The following TNR variants were observed in gnomAD, a reference collection of about 807,000 sequenced individuals.
TNR encodes the protein tenascin R.
In TNR, 45 loss-of-function variants were observed where a neutral mutation model predicts 150.4. The ratio of observed to expected loss-of-function variants is 0.30; its 90% CI spans 0.24 to 0.38. TNR has a LOEUF of 0.38. TNR is among the 10% of genes least tolerant of loss of function. The pLI is 1.00. For missense variants in TNR, 1,544 were observed against 1,759.1 expected (o/e 0.88, Z 2.19); for synonymous variants, 687 against 678.4 (o/e 1.01, Z -0.20).
intron 1 of TNR, among the ~76,000 whole-genome samples, chr1:175,657,678 C>A (rs902084559): frequency 6.9e-6 from 1 of 145,720 alleles, no homozygotes; most frequent in African/African-American, 2.6e-5. Context: ...GGACAAAAAA[C>A]CAAACACCGC....
At position 175,718,759 on chromosome 1, in the gene TNR, G is replaced by C. The variant is rs1299082694; in HGVS notation, c.-165+24467C>G. On this transcript the variant is annotated intron_variant, in intron 1 of 22. Coordinates refer to ENST00000367674, the MANE Select transcript of TNR (RefSeq NM_003285.3). ...ACATGGCCATATCATGTAAACAGAA[G>C]CCCGGGGGATTATATGACTTGTCTA... Among the ~76,000 whole-genome samples the C allele has an allele frequency of 2.0e-5, 3 of 152,296 alleles. No homozygotes were observed. The East Asian group carries it at 5.8e-4, about 29-fold the overall frequency.
chr1:175,650,582 C>G (rs1456761334), intron 1 of TNR, among the ~76,000 whole-genome samples: 1 of 151,300 alleles, frequency 6.6e-6, no homozygotes, highest in Non-Finnish European at 1.5e-5. Flanking sequence ...TACTCTTGCC[C>G]CCACAAGATT....
chr1:175,721,631 T>C (rs903144262), intron 1 of TNR, among the ~76,000 whole-genome samples: 2 of 152,150 alleles, frequency 1.3e-5, no homozygotes, highest in Admixed American at 6.5e-5. Flanking sequence ...TTCACCTTTT[T>C]CTCTTACTCA....
intron 14 of TNR, among the ~76,000 whole-genome samples, chr1:175,361,766 G>A (rs942123481): frequency 1.2e-4 from 19 of 152,204 alleles, no homozygotes; most frequent in African/African-American, 4.6e-4. Flanking sequence ...GCTTAACTAG[G>A]AGGTTTGGTC....
intron 1 of TNR, among the ~76,000 whole-genome samples, chr1:175,622,349 C>T (rs1664004489): frequency 6.6e-6 from 1 of 152,194 alleles, no homozygotes; most frequent in African/African-American, 2.4e-5. Context: ...AGCACTCATG[C>T]CAGTTTTGGA....
intron 14 of TNR, 63 bp downstream of exon 14, chr1:175,362,600 G>T: frequency 2.5e-6 from 4 of 1,580,258 alleles, no homozygotes; most frequent in African/African-American, 1.3e-5. Context: ...CTACAAGCCC[G>T]AACAACTTCA....
rs762377945 is a variant in TNR at position 175,330,128 on chromosome 1, C to T, written c.3739G>A (p.Glu1247Lys). The change falls in exon 21 of 23, where the codon GAG becomes AAG. Residue 1247 changes from glutamate to lysine, a missense_variant. Transcript: ENST00000367674. ...AFASYDRFSV[E>K]DSRNLYKLRI... is the part of the protein sequence containing the mutation. The stretch of plus-strand genomic sequence containing the variant: ...AGTTTGTACAGGTTTCTGCTGTCCT[C>T]GACAGAGAACCTGTCGTAGGAGGCG... The T allele has an allele frequency of 2.5e-6, 4 of 1,612,848 alleles. No homozygotes were observed. The highest frequency in any genetic ancestry group is 1.1e-5 in the South Asian group (1 of 91,006).
chr1:175,327,964 TG>T (rs761061230), intron 21 of TNR, among the ~76,000 whole-genome samples: 1 of 152,046 alleles, frequency 6.6e-6, no homozygotes, highest in Non-Finnish European at 1.5e-5. Context: ...AAAAATTAGC[TG>T]GGCATGGTGG....
intron 1 of TNR, among the ~76,000 whole-genome samples, chr1:175,566,488 G>A (rs1049407556): frequency 1.3e-5 from 2 of 152,234 alleles, no homozygotes; most frequent in Admixed American, 6.5e-5. Context: ...GTGAGTGAGG[G>A]AGTCCATGTG....
chr1:175,732,253 G>T (rs1356682711), intron 1 of TNR, among the ~76,000 whole-genome samples: 1 of 152,162 alleles, frequency 6.6e-6, no homozygotes, highest in African/African-American at 2.4e-5. Flanking sequence ...CATTTTTTGT[G>T]ATGGCAGATC....
At chr1:175,358,928 G>A (rs1312172867) in intron 15 of TNR, among the ~76,000 whole-genome samples, 1 of 152,126 alleles carries the variant, frequency 6.6e-6, no homozygotes, top group Non-Finnish European at 1.5e-5. Flanking sequence ...TATCTTCAGT[G>A]TTTTTCTTGC....
At chr1:175,594,109 A>AGT (rs1314405042) in intron 1 of TNR, among the ~76,000 whole-genome samples, 13 of 152,150 alleles carry the variant, frequency 8.5e-5, no homozygotes, top group Admixed American at 4.6e-4. Context: ...GAGTTCCTTA[A>AGT]GCCCCATGGA....
At chr1:175,401,733 A>T (rs1378669007) in intron 4 of TNR, among the ~76,000 whole-genome samples, 1 of 152,180 alleles carries the variant, frequency 6.6e-6, no homozygotes, top group African/African-American at 2.4e-5. Context: ...GGCTTACAGA[A>T]GTCTGGTGAA....
At chr1:175,326,009 G>C (rs890493643) in intron 21 of TNR, among the ~76,000 whole-genome samples, 2 of 152,028 alleles carry the variant, frequency 1.3e-5, no homozygotes, top group Non-Finnish European at 2.9e-5. Flanking sequence ...CTAGAACTTA[G>C]AGTGTAATAA....
intron 9 of TNR, among the ~76,000 whole-genome samples, chr1:175,375,066 G>A (rs1449631799): frequency 6.6e-6 from 1 of 152,142 alleles, no homozygotes; most frequent in South Asian, 2.1e-4. Context: ...GTCCCAGTCA[G>A]GGAAGTTGAT....
At chr1:175,571,812 C>T (rs961395450) in intron 1 of TNR, among the ~76,000 whole-genome samples, 1 of 152,180 alleles carries the variant, frequency 6.6e-6, no homozygotes, top group African/African-American at 2.4e-5. Flanking sequence ...TTACTTGTGT[C>T]TTCAGAGGCC....
chr1:175,701,194 TTTTTG>T (rs1432473337), intron 1 of TNR, among the ~76,000 whole-genome samples: 3 of 152,218 alleles, frequency 2.0e-5, no homozygotes, highest in Admixed American at 2.0e-4. Flanking sequence ...TCTTTTTTCA[TTTTTG>T]TTTTGTTTCC....
intron 2 of TNR, among the ~76,000 whole-genome samples, chr1:175,460,112 G>T (rs140942952): frequency 2.0e-5 from 3 of 152,126 alleles, no homozygotes; most frequent in Admixed American, 2.0e-4. Flanking sequence ...AGGTTAATCT[G>T]GTTTTTCCCC....
intron 1 of TNR, among the ~76,000 whole-genome samples, chr1:175,535,715 G>A (rs1257109046): frequency 6.6e-6 from 1 of 151,892 alleles, no homozygotes; most frequent in Non-Finnish European, 1.5e-5. Context: ...TTTATATTTG[G>A]CTTTGGTAAT....
Sources: allele counts gnomAD v4.1 joint callset (sites outside exome capture counted in the v4.1 genomes callset), GRCh38; gene constraint gnomAD v4.1.1; transcripts MANE v1.5; gene names NCBI Gene and HGNC (gene_info 2026-07-23, HGNC 2026-07-21).